KLHL29: variants seen among roughly 807,000 people sequenced by gnomAD.
KLHL29 encodes kelch-like protein 29.
A neutral mutation model predicts 80.4 loss-of-function variants in KLHL29; 21 were observed. The observed-to-expected ratio is 0.26, with a 90% CI of 0.19 to 0.38. The LOEUF is 0.38. Ranked by LOEUF, KLHL29 falls within the 10% of genes least tolerant of loss-of-function variation. KLHL29 has a pLI of 1.00. For synonymous variants in KLHL29, 511 were observed against 526.8 expected (o/e 0.97, Z 0.41); for missense variants, 867 against 1,223.9 (o/e 0.71, Z 4.35).
intron 2 of KLHL29, among the ~76,000 whole-genome samples, chr2:23,498,790 C>G (rs1423099710): frequency 6.6e-6 from 1 of 152,212 alleles, no homozygotes; most frequent in Non-Finnish European, 1.5e-5. Context: ...GTCACATTGA[C>G]GAGTAGCTAC....
intron 1 of KLHL29, among the ~76,000 whole-genome samples, chr2:23,462,039 A>G (rs1245870987): frequency 6.7e-6 from 1 of 148,498 alleles, no homozygotes; most frequent in Non-Finnish European, 1.5e-5. Context: ...AAGGGGCTGC[A>G]CCTGTGTTCC....
intron 1 of KLHL29, among the ~76,000 whole-genome samples, chr2:23,413,399 C>T (rs1167217260): frequency 3.9e-5 from 6 of 152,168 alleles, no homozygotes; most frequent in South Asian, 2.1e-4. Flanking sequence ...CCCATGGACA[C>T]GGGTGTCACC....
At chr2:23,660,645 A>T (rs1670378830) in intron 5 of KLHL29, among the ~76,000 whole-genome samples, 1 of 152,240 alleles carries the variant, frequency 6.6e-6, no homozygotes, top group African/African-American at 2.4e-5. Context: ...GCCTTCTGGG[A>T]GTCCAGCCCC....
intron 6 of KLHL29, among the ~76,000 whole-genome samples, chr2:23,685,024 G>C (rs575585193): frequency 6.6e-6 from 1 of 152,214 alleles, no homozygotes; most frequent in African/African-American, 2.4e-5. Flanking sequence ...AGGTGCCCCC[G>C]GGGCTGCTTT....
chr2:23,702,148 C>T (rs1173266033), intron 11 of KLHL29, among the ~76,000 whole-genome samples: 1 of 152,132 alleles, frequency 6.6e-6, no homozygotes, highest in African/African-American at 2.4e-5. Flanking sequence ...AACTACCCCC[C>T]ACTTCCAGCC....
At chr2:23,521,051 T>G (rs554841040) in intron 2 of KLHL29, among the ~76,000 whole-genome samples, 5 of 149,778 alleles carry the variant, frequency 3.3e-5, no homozygotes, top group Admixed American at 1.3e-4. Context: ...TTTCTTTGCC[T>G]TACCCCAAGC....
intron 1 of KLHL29, among the ~76,000 whole-genome samples, chr2:23,461,058 G>A (rs567828115): frequency 1.3e-5 from 2 of 152,338 alleles, no homozygotes; most frequent in Non-Finnish European, 2.9e-5. Context: ...AGATCGTCCC[G>A]GTGGCTGACA....
At chr2:23,458,697 G>A (rs1664130310) in intron 1 of KLHL29, among the ~76,000 whole-genome samples, 1 of 152,218 alleles carries the variant, frequency 6.6e-6, no homozygotes, top group South Asian at 2.1e-4. Flanking sequence ...TGAACCAGGT[G>A]AAGAGAGAGA....
chr2:23,425,139 A>G (rs949064083), intron 1 of KLHL29, among the ~76,000 whole-genome samples: 2 of 152,262 alleles, frequency 1.3e-5, no homozygotes, highest in African/African-American at 2.4e-5. Flanking sequence ...CTCATTTAAT[A>G]TAATCCTTGA....
intron 2 of KLHL29, among the ~76,000 whole-genome samples, chr2:23,486,899 G>A (rs1664944552): frequency 6.6e-6 from 1 of 152,190 alleles, no homozygotes; most frequent in African/African-American, 2.4e-5. Context: ...CCCAGTGAGG[G>A]CTGGCCAAGT....
rs1672777349 is a variant in KLHL29, at chr2:23,707,127, T to A, written c.*463T>A. On this transcript the variant is annotated 3_prime_UTR_variant, in exon 14 of 14. Coordinates refer to ENST00000486442, the MANE Select transcript of KLHL29 (RefSeq NM_052920.2). The stretch of plus-strand genomic sequence containing the variant: ...TTTGTTTTTTAACCGATCTACACTT[T>A]CAGTGGCCGACAGAAAACGAGGGAC... 1.3e-5 allele frequency: 2 copies of A among 153,014 alleles called. No homozygotes were observed. The highest frequency in any genetic ancestry group is 4.8e-5 in the African/African-American group (2 of 41,466). The allele number at this position is 153,014 out of a possible 1,614,324, so 9.5% of individuals were successfully genotyped here. A position where few individuals can be genotyped will look rare whatever the true frequency, so the allele number is the denominator to read the frequency against.
intron 3 of KLHL29, among the ~76,000 whole-genome samples, chr2:23,602,050 A>C (rs1668584829): frequency 6.6e-6 from 1 of 152,138 alleles, no homozygotes; most frequent in Non-Finnish European, 1.5e-5. Flanking sequence ...ACTGCCCTGG[A>C]GAAACTCACG....
intron 2 of KLHL29, among the ~76,000 whole-genome samples, chr2:23,523,608 A>G (rs1478879150): frequency 6.6e-6 from 1 of 152,054 alleles, no homozygotes; most frequent in Non-Finnish European, 1.5e-5. Context: ...TGAGTCTCCT[A>G]TTTGGGTGGA....
At chr2:23,679,759 C>G (rs1288635513) in intron 5 of KLHL29, among the ~76,000 whole-genome samples, 1 of 152,162 alleles carries the variant, frequency 6.6e-6, no homozygotes, top group Non-Finnish European at 1.5e-5. Context: ...GTTCTGCCAG[C>G]CTCCGGAGGA....
chr2:23,480,343 C>T (rs910011785), intron 2 of KLHL29, among the ~76,000 whole-genome samples: 25 of 152,054 alleles, frequency 1.6e-4, no homozygotes, highest in Middle Eastern at 3.2e-3. Flanking sequence ...AAAAATTAGC[C>T]GGGCATGGTG....
Position 23,684,590 on chromosome 2 carries a change from G to A in KLHL29, c.1079+53G>A. The A allele has an allele frequency of 6.8e-7, 1 of 1,466,746 alleles. No individual in the cohort carries two copies. The highest frequency in any genetic ancestry group is 9.1e-7 in the Non-Finnish European group (1 of 1,102,626). 90.9% of individuals were successfully genotyped at this position (1,466,746 alleles called of 1,614,324 possible). A position where few individuals can be genotyped will look rare whatever the true frequency, so the allele number is the denominator to read the frequency against. ...GTCTGTTCCTTTGTAGGACGCTTTT[G>A]TGTCGCTTTTCTCTTCCCCTCTCTT... On this transcript the variant is annotated intron_variant, in intron 6 of 13. Coordinates refer to ENST00000486442, the MANE Select transcript of KLHL29 (RefSeq NM_052920.2). The surrounding 1 kb of genome is among the most constrained non-coding windows in gnomAD (Gnocchi z 4.4).
intron 1 of KLHL29, among the ~76,000 whole-genome samples, chr2:23,399,660 G>A (rs1198831751): frequency 6.6e-6 from 1 of 152,184 alleles, no homozygotes; most frequent in Admixed American, 6.5e-5. Flanking sequence ...CAATAATTGT[G>A]AACCTGTGTA....
intron 3 of KLHL29, among the ~76,000 whole-genome samples, chr2:23,625,038 G>A (rs890975883): frequency 2.6e-5 from 4 of 152,198 alleles, no homozygotes; most frequent in African/African-American, 9.7e-5. Context: ...TTCTGGCCAC[G>A]GCTCTGATCA....
At chr2:23,435,750 G>T (rs1198663993) in intron 1 of KLHL29, among the ~76,000 whole-genome samples, 9 of 152,130 alleles carry the variant, frequency 5.9e-5, no homozygotes. Context: ...TAGTGCGATG[G>T]GATAGTTGCT....
Sources: gnomAD v4.1 joint callset for allele counts (sites outside exome capture counted in the v4.1 genomes callset) on GRCh38, gnomAD v4.1.1 for gene constraint, Gnocchi (gnomAD v3.1) non-coding constraint, MANE v1.5 for transcripts, NCBI Gene and HGNC (gene_info 2026-07-23, HGNC 2026-07-21) for gene names.